NFASC: variants seen among roughly 807,000 people sequenced by gnomAD.
NFASC encodes the protein neurofascin, also known as neurofascin homolog.
In NFASC, 43 loss-of-function variants were observed where a neutral mutation model predicts 147.5. That is an observed-to-expected ratio of 0.29 (90% CI 0.23 to 0.38). The LOEUF is 0.38. Ranked by LOEUF, NFASC falls within the 10% of genes least tolerant of loss-of-function variation. NFASC has a pLI of 1.00. For missense variants in NFASC, 1,320 were observed against 1,689.0 expected, an observed-to-expected ratio of 0.78 and a Z score of 3.83; for synonymous variants, 622 against 665.5, an observed-to-expected ratio of 0.93 and a Z score of 1.01.
At chr1:204,924,473 A>G (rs529251003) in intron 2 of NFASC, among the ~76,000 whole-genome samples, 2 of 152,340 alleles carry the variant, frequency 1.3e-5, no homozygotes, top group East Asian at 3.9e-4. Flanking sequence ...CAGAAGACCC[A>G]GCTCCCTCTC....
chr1:204,888,454 G>C (rs1013648779), intron 1 of NFASC, among the ~76,000 whole-genome samples: 8 of 152,148 alleles, frequency 5.3e-5, no homozygotes, highest in Admixed American at 2.6e-4. Flanking sequence ...CAGTCACAGA[G>C]AACAAAAAGC....
At chr1:204,961,907 T>C (rs1234640007) in intron 8 of NFASC, among the ~76,000 whole-genome samples, 1 of 152,262 alleles carries the variant, frequency 6.6e-6, no homozygotes, top group African/African-American at 2.4e-5. Context: ...CCTTTTTTTC[T>C]CCTTTTGTGG....
intron 1 of NFASC, among the ~76,000 whole-genome samples, chr1:204,831,402 G>A (rs1672190933): frequency 6.7e-6 from 1 of 150,372 alleles, no homozygotes; most frequent in East Asian, 2.0e-4. Flanking sequence ...AGAGGTGGCT[G>A]AGAGCTGGGG....
At chr1:204,844,022 G>A (rs1032305880) in intron 1 of NFASC, among the ~76,000 whole-genome samples, 9 of 152,140 alleles carry the variant, frequency 5.9e-5, no homozygotes, top group Non-Finnish European at 8.8e-5. Context: ...ACAGGCATGA[G>A]CCACTGTGCC....
chr1:204,988,997 T>A (rs1444670889), intron 23 of NFASC, 191 bp downstream of exon 23: 4 of 616,506 alleles, frequency 6.5e-6, no homozygotes, highest in African/African-American at 1.8e-5. Flanking sequence ...GGAGCTCAGC[T>A]CTCCTTGGAC....
chr1:204,951,315 AT>A (rs33974199), intron 4 of NFASC, among the ~76,000 whole-genome samples: 38,960 of 118,788 alleles, frequency 0.33, 6,574 homozygotes, highest in Non-Finnish European at 0.41. Context: ...TGCCCGGCTA[AT>A]TTTTTTTTTT....
chr1:204,853,229 A>G (rs925478850), intron 1 of NFASC, among the ~76,000 whole-genome samples: 4 of 152,224 alleles, frequency 2.6e-5, no homozygotes, highest in Admixed American at 6.5e-5. Context: ...CTTGGAGTCC[A>G]TATTAGAAGT....
At chr1:204,887,244 A>G (rs903086670) in intron 1 of NFASC, among the ~76,000 whole-genome samples, 1 of 152,184 alleles carries the variant, frequency 6.6e-6, no homozygotes, top group Non-Finnish European at 1.5e-5. Flanking sequence ...GAGTAAAATC[A>G]TACAGTATTC....
chr1:205,022,335 C>T lies in NFASC; in HGVS notation c.*5796C>T, dbSNP rs1249259348. 2.0e-5 allele frequency: 3 copies of T among 152,652 alleles called. No individual in the cohort carries two copies. Among genetic ancestry groups the T allele is most frequent in the Non-Finnish European group, 1.5e-5 (1 of 68,104 alleles). The allele number at this position is 152,652 out of a possible 1,614,324, so 9.5% of individuals were successfully genotyped here. ...GCCTGTGACGTGGCCACCTTCTGTCCTGCTCCCACTCCCGACCCATGCTGG... is the reference window on the plus strand; with the variant it reads ...GCCTGTGACGTGGCCACCTTCTGTCTTGCTCCCACTCCCGACCCATGCTGG... On this transcript the variant is annotated 3_prime_UTR_variant, in exon 30 of 30. Transcript: ENST00000339876.
Position 204,846,036 on chromosome 1 carries a change from G to C in NFASC, c.-200+17254G>C, listed in dbSNP as rs149074265. On this transcript the variant is annotated intron_variant, in intron 1 of 29. Transcript: ENST00000339876. ...ACACCTACAGGGACAAAGGATGGAA[G>C]GAGGAAGGGATGACTTCTGATTTAA... Among the ~76,000 whole-genome samples the C allele has an allele frequency of 1.8e-4, 28 of 152,238 alleles. No individual in the cohort carries two copies. In the East Asian group the frequency reaches 5.4e-3, roughly 29 times the overall value.
chr1:204,862,517 G>A (rs1330604568), intron 1 of NFASC, among the ~76,000 whole-genome samples: 2 of 152,206 alleles, frequency 1.3e-5, no homozygotes, highest in Non-Finnish European at 2.9e-5. Context: ...ATTGAATTAT[G>A]TACACCTCCA....
chr1:205,021,108 G>A lies in NFASC; in HGVS notation c.*4569G>A, dbSNP rs1350988284. On this transcript the variant is annotated 3_prime_UTR_variant, in exon 30 of 30. Coordinates refer to ENST00000339876, the MANE Select transcript of NFASC (RefSeq NM_001005388.3). ...CCAAGGCCCTGGGAGGCATAGGCAA[G>A]CCGGGCAGAGTCAGACCAGTGCCCT... 2 of 152,298 alleles carry A rather than the reference G, an allele frequency of 1.3e-5. No homozygotes were observed. Among genetic ancestry groups the A allele is most frequent in the African/African-American group, 4.8e-5 (2 of 41,458 alleles). The allele number at this position is 152,298 out of a possible 1,614,324, so 9.4% of individuals were successfully genotyped here. A position where few individuals can be genotyped will look rare whatever the true frequency, so the allele number is the denominator to read the frequency against.
intron 2 of NFASC, among the ~76,000 whole-genome samples, chr1:204,931,016 A>T (rs2092321039): frequency 6.6e-6 from 1 of 152,108 alleles, no homozygotes; most frequent in South Asian, 2.1e-4. Flanking sequence ...GTTGTCCTGG[A>T]TGACAAATGT....
chr1:204,962,152 T>A (rs762095494), intron 8 of NFASC: 22 of 1,612,818 alleles, frequency 1.4e-5, no homozygotes, highest in Non-Finnish European at 1.9e-5. Context: ...CCCTGACATG[T>A]ACAGTGGTGA....
intron 1 of NFASC, among the ~76,000 whole-genome samples, chr1:204,867,668 C>T (rs1490230153): frequency 2.6e-5 from 4 of 152,198 alleles, no homozygotes; most frequent in Non-Finnish European, 5.9e-5. Flanking sequence ...CTTACACACA[C>T]ACACACGGCC....
At chr1:204,988,912 G>A (rs1399460819) in intron 23 of NFASC, 106 bp downstream of exon 23, 1 of 1,085,012 alleles carries the variant, frequency 9.2e-7, no homozygotes, top group Non-Finnish European at 1.4e-6. Context: ...GAGGAAATGA[G>A]ACTTGCAAGT....
chr1:204,902,515 T>A (rs1351537202), intron 1 of NFASC, among the ~76,000 whole-genome samples: 1 of 152,358 alleles, frequency 6.6e-6, no homozygotes, highest in East Asian at 1.9e-4. Context: ...GGTTACATTT[T>A]GTAACAGAGT....
At chr1:204,902,472 C>A (rs765029649) in intron 1 of NFASC, among the ~76,000 whole-genome samples, 1 of 152,116 alleles carries the variant, frequency 6.6e-6, no homozygotes, top group East Asian at 1.9e-4. Flanking sequence ...CCTATTAAAA[C>A]GATTAATATT....
In NFASC at chr1:204,996,082, G is replaced by A. The variant is rs545876125; in HGVS notation, c.2783-1088G>A. 2.3e-3 allele frequency among the ~76,000 whole-genome samples: 347 copies of A among 152,098 alleles called. 5 individuals carry two copies. The highest frequency in any genetic ancestry group is 1.3e-3 in the Non-Finnish European group (89 of 68,012). On this transcript the variant is annotated intron_variant, in intron 24 of 29. Coordinates refer to ENST00000339876, the MANE Select transcript of NFASC (RefSeq NM_001005388.3). ...CAGCTTTAGCAAATATTAGATCTGC[G>A]GGTAAGGATAGGGCAGCCCTTTCCA...
Sources: allele counts gnomAD v4.1 joint callset (sites outside exome capture counted in the v4.1 genomes callset), GRCh38; gene constraint gnomAD v4.1.1; transcripts MANE v1.5; gene names NCBI Gene and HGNC (gene_info 2026-07-23, HGNC 2026-07-21).